Variants in DLGAP2 observed in about 807,000 individuals in gnomAD.
DLGAP2 encodes DLG associated protein 2.
DLGAP2 carries 26 observed loss-of-function variants against 100.3 expected under a neutral mutation model. The observed-to-expected ratio is 0.26, with a 90% CI of 0.19 to 0.36. DLGAP2 has a LOEUF of 0.36. Ranked by LOEUF, DLGAP2 falls within the 10% of genes least tolerant of loss-of-function variation. The pLI is 1.00. For missense variants in DLGAP2, 1,858 were observed against 1,453.2 expected (o/e 1.28, Z -4.53); for synonymous variants, 886 against 630.1 (o/e 1.41, Z -6.08).
intron 3 of DLGAP2, among the ~76,000 whole-genome samples, chr8:1,382,927 G>C (rs186135629): frequency 6.6e-6 from 1 of 151,694 alleles, no homozygotes; most frequent in Non-Finnish European, 1.5e-5. Context: ...GTGTGTGCGT[G>C]TGTGTGTGTG....
intron 3 of DLGAP2, among the ~76,000 whole-genome samples, chr8:1,473,979 A>G (rs533532194): frequency 3.9e-5 from 6 of 152,282 alleles, no homozygotes; most frequent in East Asian, 1.9e-4. Context: ...AGCAGCATGA[A>G]AACAGACTAA....
chr8:1,030,881 C>T (rs542037090), intron 2 of DLGAP2, among the ~76,000 whole-genome samples: 2 of 152,316 alleles, frequency 1.3e-5, no homozygotes, highest in East Asian at 1.9e-4. Flanking sequence ...CTTCTCAGAC[C>T]GCAGCCACCA....
intron 2 of DLGAP2, among the ~76,000 whole-genome samples, chr8:962,265 A>G (rs1361419341): frequency 1.3e-5 from 2 of 152,214 alleles, no homozygotes; most frequent in Non-Finnish European, 2.9e-5. Context: ...ACAGCTAAAA[A>G]CAGATGGCGA....
chr8:1,329,410 G>A (rs1243430148), intron 3 of DLGAP2, among the ~76,000 whole-genome samples: 1 of 152,144 alleles, frequency 6.6e-6, no homozygotes, highest in South Asian at 2.1e-4. Flanking sequence ...GATTCAGCTA[G>A]ATCCGTTTTT....
intron 7 of DLGAP2, 91 bp from the exon 8 acceptor site, chr8:1,632,736 G>T: frequency 7.6e-7 from 1 of 1,316,016 alleles, no homozygotes; most frequent in Non-Finnish European, 1.0e-6. Flanking sequence ...GTGAAAGGCA[G>T]CCTGGGAATG....
chr8:1,094,011 G>A (rs1214737172), intron 2 of DLGAP2, among the ~76,000 whole-genome samples: 1 of 113,596 alleles, frequency 8.8e-6, no homozygotes, highest in Non-Finnish European at 1.9e-5. Context: ...CCCGGTGGAG[G>A]GAGGGCAGCT....
At chr8:1,148,421 A>AT (rs200128149) in intron 2 of DLGAP2, among the ~76,000 whole-genome samples, 5 of 150,466 alleles carry the variant, frequency 3.3e-5, no homozygotes, top group East Asian at 2.0e-4. Context: ...GATTTTGTTG[A>AT]TTTTTTTCCC....
intron 3 of DLGAP2, among the ~76,000 whole-genome samples, chr8:1,370,702 C>G (rs1208784885): frequency 2.0e-5 from 3 of 152,216 alleles, no homozygotes; most frequent in African/African-American, 4.8e-5. Flanking sequence ...GACAACCGCT[C>G]CACTCTTGCA....
intron 6 of DLGAP2, among the ~76,000 whole-genome samples, chr8:1,613,106 G>A (rs1205688386): frequency 2.2e-4 from 31 of 140,664 alleles, no homozygotes; most frequent in South Asian, 1.0e-3. Context: ...TGTTTATTGC[G>A]GCATTATTCA....
intron 2 of DLGAP2, among the ~76,000 whole-genome samples, chr8:1,069,828 C>G (rs1027750407): frequency 6.6e-6 from 1 of 152,192 alleles, no homozygotes; most frequent in Non-Finnish European, 1.5e-5. Flanking sequence ...GAGGAGGATG[C>G]TGTGAGGGCC....
At chr8:1,310,490 G>A (rs1342059788) in intron 3 of DLGAP2, among the ~76,000 whole-genome samples, 1 of 152,110 alleles carries the variant, frequency 6.6e-6, no homozygotes, top group Non-Finnish European at 1.5e-5. Context: ...ATAAACATGG[G>A]GTTTGGACGG....
intron 4 of DLGAP2, among the ~76,000 whole-genome samples, chr8:1,526,918 G>A (rs572656090): frequency 3.7e-4 from 56 of 152,360 alleles, no homozygotes; most frequent in African/African-American, 1.3e-3. Context: ...GAGAGGAGAG[G>A]GCAGGGCAAG....
At chr8:1,319,687 G>A (rs1398749202) in intron 3 of DLGAP2, among the ~76,000 whole-genome samples, 3 of 152,224 alleles carry the variant, frequency 2.0e-5, no homozygotes, top group African/African-American at 7.2e-5. Flanking sequence ...AAGCCTCTCT[G>A]AGGAGTGCAC....
intron 3 of DLGAP2, among the ~76,000 whole-genome samples, chr8:1,422,140 T>C (rs867951404): frequency 6.6e-6 from 1 of 152,184 alleles, no homozygotes. Flanking sequence ...CTACCCCGTT[T>C]CACGGACCAC....
intron 4 of DLGAP2, among the ~76,000 whole-genome samples, chr8:1,514,347 A>G (rs146456723): frequency 2.0e-5 from 3 of 152,380 alleles, no homozygotes; most frequent in East Asian, 1.9e-4. Flanking sequence ...GGTGTTTTCA[A>G]TGGCACACAT....
At chr8:1,137,673 A>T (rs779587323) in intron 2 of DLGAP2, 1 of 152,214 alleles carries the variant, frequency 6.6e-6, no homozygotes, top group Non-Finnish European at 1.5e-5. Context: ...AAATAAGAAC[A>T]TGGGCTGCAA....
At chr8:1,458,598 G>A (rs1434365453) in intron 3 of DLGAP2, among the ~76,000 whole-genome samples, 1 of 152,192 alleles carries the variant, frequency 6.6e-6, no homozygotes, top group Non-Finnish European at 1.5e-5. Context: ...GTGTGTAAAT[G>A]TGTCTATGGT....
chr8:928,214 C>A (rs959006080), intron 2 of DLGAP2, among the ~76,000 whole-genome samples: 1 of 152,150 alleles, frequency 6.6e-6, no homozygotes, highest in Non-Finnish European at 1.5e-5. Context: ...CGCAGATTTA[C>A]GAGATTTTCC....
At position 1,188,989 on chromosome 8, in the gene DLGAP2, G is replaced by A. The variant is rs113544701; in HGVS notation, c.74-69862G>A. Among the ~76,000 whole-genome samples, 830 of 122,630 alleles carry A rather than the reference G, an allele frequency of 6.8e-3. 14 individuals are homozygous for A. The highest frequency in any genetic ancestry group is 0.041 in the African/African-American group (706 of 17,404). The allele number at this position is 122,630 out of a possible 152,430, so 80.5% of individuals were successfully genotyped here. ...TACACAGGGTTCGGGCCCCAGGCCGGTTCCGCGGTTGGGGTTGACCTTACA... is the reference window on the plus strand; with the variant it reads ...TACACAGGGTTCGGGCCCCAGGCCGATTCCGCGGTTGGGGTTGACCTTACA... On this transcript the variant is annotated intron_variant, in intron 2 of 14. Coordinates refer to ENST00000637795, the MANE Select transcript of DLGAP2 (RefSeq NM_001346810.2).
Sources: allele counts gnomAD v4.1 joint callset (sites outside exome capture counted in the v4.1 genomes callset), GRCh38; gene constraint gnomAD v4.1.1; transcripts MANE v1.5; gene names NCBI Gene and HGNC (gene_info 2026-07-23, HGNC 2026-07-21).